Variants in ELMO1 observed in about 807,000 individuals in gnomAD.
The protein encoded by ELMO1 is engulfment and cell motility 1, also known as engulfment and cell motility protein 1.
ELMO1 carries 26 observed loss-of-function variants against 98.9 expected under a neutral mutation model. The observed-to-expected ratio is 0.26, with a 90% confidence interval of 0.19 to 0.36. The LOEUF is 0.36. Ranked by LOEUF, ELMO1 falls within the 10% of genes least tolerant of loss-of-function variation. ELMO1 has a pLI of 1.00. For synonymous variants in ELMO1, 346 were observed against 346.0 expected (o/e 1.00, Z 0.00); for missense variants, 627 against 935.2 (o/e 0.67, Z 4.30).
chr7:37,025,757 A>G (rs776299857), intron 15 of ELMO1, among the ~76,000 whole-genome samples: 1 of 151,980 alleles, frequency 6.6e-6, no homozygotes, highest in Non-Finnish European at 1.5e-5. Flanking sequence ...AGAACTTCTC[A>G]GCCTTCATAA....
At chr7:36,954,129 C>T (rs2129108957) in intron 16 of ELMO1, among the ~76,000 whole-genome samples, 1 of 152,202 alleles carries the variant, frequency 6.6e-6, no homozygotes, top group East Asian at 1.9e-4. Flanking sequence ...GGCAAGAGTT[C>T]TTCATGATCT....
intron 1 of ELMO1, among the ~76,000 whole-genome samples, chr7:37,379,010 T>G (rs1802479542): frequency 6.6e-6 from 1 of 152,134 alleles, no homozygotes; most frequent in African/African-American, 2.4e-5. Context: ...CTCCTAGAAT[T>G]CTTAACAGGA....
At chr7:37,179,596 C>T (rs948322697) in intron 13 of ELMO1, among the ~76,000 whole-genome samples, 2 of 151,930 alleles carry the variant, frequency 1.3e-5, no homozygotes, top group South Asian at 2.1e-4. Context: ...GCTCTTTCAA[C>T]TTTAAAAACA....
intron 21 of ELMO1, among the ~76,000 whole-genome samples, chr7:36,857,482 C>A (rs569489241): frequency 6.6e-6 from 1 of 152,270 alleles, no homozygotes; most frequent in East Asian, 1.9e-4. Context: ...CTGGGGATTA[C>A]TGTTCTTTTC....
chr7:37,226,239 T>C (rs1793868220), intron 8 of ELMO1, among the ~76,000 whole-genome samples: 1 of 152,208 alleles, frequency 6.6e-6, no homozygotes. Context: ...AAAGCTATTA[T>C]TTTAAAATAC....
In ELMO1 at chr7:37,342,805, G is replaced by T; in HGVS notation, c.-73-42C>A. The T allele has an allele frequency of 2.1e-6, 2 of 953,584 alleles. No homozygotes were observed. Among genetic ancestry groups the T allele is most frequent in the South Asian group, 1.7e-5 (1 of 60,184 alleles). 59.1% of individuals were successfully genotyped at this position (953,584 alleles called of 1,614,324 possible). ...GAAAAAGAAAGAGAAGTCACTCAGT[G>T]CAGATGCAGGGTGAATTTTGCTTCA... is the stretch of plus-strand genomic sequence containing the variant. On this transcript the variant is annotated intron_variant, in intron 1 of 21. Transcript: ENST00000310758. This position sits in a 1 kb window ranked among gnomAD's most constrained non-coding sequence, Gnocchi z 4.3.
At chr7:37,368,687 G>A (rs1403871452) in intron 1 of ELMO1, among the ~76,000 whole-genome samples, 2 of 152,194 alleles carry the variant, frequency 1.3e-5, no homozygotes, top group East Asian at 3.9e-4. Flanking sequence ...AACTCTCATA[G>A]ATTACCTGGG....
intron 2 of ELMO1, among the ~76,000 whole-genome samples, chr7:37,316,998 T>A (rs1799208731): frequency 6.6e-6 from 1 of 152,118 alleles, no homozygotes; most frequent in Non-Finnish European, 1.5e-5. Context: ...CCCCAGTTAG[T>A]TTATCTGTAA....
intron 2 of ELMO1, among the ~76,000 whole-genome samples, chr7:37,327,540 CA>C (rs1799881092): frequency 6.6e-6 from 1 of 152,170 alleles, no homozygotes; most frequent in Non-Finnish European, 1.5e-5. Context: ...AGACAGCAGT[CA>C]AAAGAACACT....
intron 14 of ELMO1, among the ~76,000 whole-genome samples, chr7:37,129,102 T>G (rs1786727121): frequency 6.6e-6 from 1 of 151,840 alleles, no homozygotes; most frequent in African/African-American, 2.4e-5. Flanking sequence ...TGGTAGAGAC[T>G]TGCCTGGCTA....
chr7:36,922,503 T>C (rs1785228578), intron 16 of ELMO1, among the ~76,000 whole-genome samples: 1 of 152,192 alleles, frequency 6.6e-6, no homozygotes, highest in African/African-American at 2.4e-5. Context: ...AGTTTGTCAT[T>C]ATAATTAGTT....
At chr7:37,162,100 A>G (rs1041734339) in intron 13 of ELMO1, among the ~76,000 whole-genome samples, 1 of 150,710 alleles carries the variant, frequency 6.6e-6, no homozygotes, top group Admixed American at 6.6e-5. Context: ...AACTGGAACT[A>G]AGTAAATTTA....
chr7:37,023,079 C>G (rs1794366920), intron 15 of ELMO1, among the ~76,000 whole-genome samples: 1 of 152,110 alleles, frequency 6.6e-6, no homozygotes. Context: ...ATAATGCAAA[C>G]AGGGTATTGG....
chr7:36,946,962 CTTT>C (rs563397974), intron 16 of ELMO1, among the ~76,000 whole-genome samples: 2 of 152,090 alleles, frequency 1.3e-5, no homozygotes, highest in East Asian at 1.9e-4. Context: ...GTCAATTTAT[CTTT>C]TTGTTATTTT....
rs1800764473 is a variant in ELMO1 at position 37,342,413 on chromosome 7, A to G, written c.78+200T>C. On this transcript the variant is annotated intron_variant, in intron 2 of 21. Coordinates refer to ENST00000310758, the MANE Select transcript of ELMO1 (RefSeq NM_014800.11). The surrounding 1 kb of genome is among the most constrained non-coding windows in gnomAD (Gnocchi z 4.3). ...ACAAATCCTGTATTGACACAATCCA[A>G]GTGGATGCTGGAAGAGTATAAAAAC... Among the ~76,000 whole-genome samples, 1 of 152,196 alleles carries G rather than the reference A, an allele frequency of 6.6e-6. No homozygotes were observed. Among genetic ancestry groups the G allele is most frequent in the African/African-American group, 2.4e-5 (1 of 41,440 alleles).
intron 2 of ELMO1, among the ~76,000 whole-genome samples, chr7:37,318,304 T>G (rs76525813): frequency 5.3e-5 from 8 of 152,314 alleles, no homozygotes; most frequent in African/African-American, 1.9e-4. Context: ...CTGTGATTAC[T>G]TATCAGAGAA....
At chr7:36,889,652 AGAAGGAAACAACT>A (rs1187634413) in intron 17 of ELMO1, among the ~76,000 whole-genome samples, 1 of 152,258 alleles carries the variant, frequency 6.6e-6, no homozygotes, top group Non-Finnish European at 1.5e-5. Context: ...GAAGACCAAG[AGAAGGAAACAACT>A]GAAGGAATTC....
Position 37,221,769 on chromosome 7 carries a change from C to CGGT in ELMO1, c.780+845_780+846insACC, listed in dbSNP as rs1259627751. ...AGTACAGCAGTGTGATGTCAGCTCA[C>CGGT]TGCAACCTCTGCCTCCCGGCTTGGT... On this transcript the variant is annotated intron_variant, in intron 10 of 21. Transcript: ENST00000310758. 8.9e-4 allele frequency among the ~76,000 whole-genome samples: 136 copies of CGGT among 151,986 alleles called. 1 individual carries two copies. The highest frequency in any genetic ancestry group is 3.1e-3 in the African/African-American group (130 of 41,402).
chr7:36,909,982 A>G (rs1166149763), intron 16 of ELMO1, among the ~76,000 whole-genome samples: 1 of 152,206 alleles, frequency 6.6e-6, no homozygotes, highest in African/African-American at 2.4e-5. Flanking sequence ...GTCTCTTATC[A>G]ATACTCCATT....
Sources: gnomAD v4.1 joint callset for allele counts (sites outside exome capture counted in the v4.1 genomes callset) on GRCh38, gnomAD v4.1.1 for gene constraint, Gnocchi (gnomAD v3.1) non-coding constraint, MANE v1.5 for transcripts, NCBI Gene and HGNC (gene_info 2026-07-23, HGNC 2026-07-21) for gene names.